Variants in PLEKHG1 observed in about 807,000 individuals in gnomAD.
PLEKHG1 encodes the protein pleckstrin homology domain-containing family G member 1.
PLEKHG1 carries 44 observed loss-of-function variants against 100.8 expected under a neutral mutation model. The ratio of observed to expected loss-of-function variants is 0.44; its 90% CI spans 0.34 to 0.56. The LOEUF (loss-of-function observed/expected upper bound fraction) is 0.56. Among genes scored for constraint, PLEKHG1 ranks in the 20% least tolerant of loss-of-function variants. The pLI, the probability that PLEKHG1 is intolerant of heterozygous loss-of-function variation, is 0.01. For synonymous variants in PLEKHG1, 640 were observed against 662.5 expected (o/e 0.97, Z 0.52); for missense variants, 1,545 against 1,720.9 (o/e 0.90, Z 1.81).
At chr6:150,634,260 A>AAAAAGG (rs1777895386) in intron 1 of PLEKHG1, among the ~76,000 whole-genome samples, 1 of 148,480 alleles carries the variant, frequency 6.7e-6, no homozygotes, top group African/African-American at 2.6e-5. Context: ...CAAAAAAAAA[A>AAAAAGG]AAGAAAAAAA....
intron 3 of PLEKHG1, among the ~76,000 whole-genome samples, chr6:150,699,252 A>C (rs974984238): frequency 6.6e-6 from 1 of 152,222 alleles, no homozygotes; most frequent in African/African-American, 2.4e-5. Context: ...ATTTCAAAAT[A>C]AAAAGTGCAA....
rs1015485377 is a variant in PLEKHG1, at chr6:150,737,297, T to G, written c.411+3205T>G. ...CATATGGGTATTTTTTTTTTTTTTT[T>G]TTTTTGAGACGGAGTCTCGCTTTGT... is the stretch of plus-strand genomic sequence containing the variant. On this transcript the variant is annotated intron_variant, in intron 2 of 15. Transcript: ENST00000358517. Among the ~76,000 whole-genome samples the G allele has an allele frequency of 8.6e-5, 13 of 150,550 alleles. No individual in the cohort carries two copies. In the East Asian group the frequency reaches 2.3e-3, roughly 27 times the overall value.
chr6:150,660,071 A>AT (rs60016202), intron 3 of PLEKHG1, among the ~76,000 whole-genome samples: 1,610 of 143,692 alleles, frequency 0.011, 19 homozygotes, highest in East Asian at 0.03. Flanking sequence ...TTTGTTCATA[A>AT]TTTTTTTTTT....
At chr6:150,775,316 A>G (rs1051197131) in intron 3 of PLEKHG1, among the ~76,000 whole-genome samples, 3 of 152,250 alleles carry the variant, frequency 2.0e-5, no homozygotes, top group Non-Finnish European at 4.4e-5. Context: ...CCTTTCTTTA[A>G]GAATGAAGAG....
intron 2 of PLEKHG1, among the ~76,000 whole-genome samples, chr6:150,752,464 C>A (rs1368503480): frequency 6.6e-6 from 1 of 152,184 alleles, no homozygotes; most frequent in Non-Finnish European, 1.5e-5. Flanking sequence ...CTCCCCAGCT[C>A]CTGGCAACCT....
At chr6:150,708,624 T>A (rs1445700665) in intron 3 of PLEKHG1, among the ~76,000 whole-genome samples, 1 of 152,158 alleles carries the variant, frequency 6.6e-6, no homozygotes, top group Non-Finnish European at 1.5e-5. Context: ...AGTGAATGTG[T>A]TCTAATAATC....
At chr6:150,787,603 T>C (rs1785703401) in intron 4 of PLEKHG1, among the ~76,000 whole-genome samples, 1 of 152,214 alleles carries the variant, frequency 6.6e-6, no homozygotes. Flanking sequence ...CACTGGGAAT[T>C]AGCACACGCG....
exon 16 of PLEKHG1, chr6:150,840,343 T>C (rs981799484): frequency 1.2e-5 from 19 of 1,613,998 alleles, no homozygotes; most frequent in Non-Finnish European, 1.5e-5. Flanking sequence ...CCTAGTGATG[T>C]GGGAAAGCAG....
intron 3 of PLEKHG1, among the ~76,000 whole-genome samples, chr6:150,693,789 A>T (rs1347259334): frequency 1.3e-5 from 2 of 152,206 alleles, no homozygotes; most frequent in Non-Finnish European, 2.9e-5. Context: ...ATCATACATA[A>T]ATCTTTGCAC....
upstream of PLEKHG1, among the ~76,000 whole-genome samples, chr6:150,720,229 C>A (rs1781610413): frequency 6.6e-6 from 1 of 152,092 alleles, no homozygotes. Flanking sequence ...TTAAAGAACT[C>A]AAGATCTTTG....
intron 2 of PLEKHG1, among the ~76,000 whole-genome samples, chr6:150,739,093 C>G (rs1462512475): frequency 3.3e-5 from 5 of 151,916 alleles, no homozygotes; most frequent in African/African-American, 7.3e-5. Flanking sequence ...AAGATTTGGC[C>G]TCAGATATAG....
intron 2 of PLEKHG1, among the ~76,000 whole-genome samples, chr6:150,641,008 T>C (rs1402478504): frequency 6.6e-6 from 1 of 152,190 alleles, no homozygotes; most frequent in Non-Finnish European, 1.5e-5. Flanking sequence ...GAAAAACTTG[T>C]GGCTAGAGAA....
At chr6:150,605,611 T>C (rs1049399499) in intron 1 of PLEKHG1, 1 of 152,182 alleles carries the variant, frequency 6.6e-6, no homozygotes, top group Non-Finnish European at 1.5e-5. Flanking sequence ...GGTAAGGTGG[T>C]GGAGACTCAG....
chr6:150,810,369 G>A (rs2128670256), intron 10 of PLEKHG1, among the ~76,000 whole-genome samples: 1 of 150,924 alleles, frequency 6.6e-6, no homozygotes, highest in African/African-American at 2.4e-5. Context: ...GCAACCTCTT[G>A]TGCCTCAGCC....
chr6:150,690,931 C>T (rs919854815), intron 3 of PLEKHG1, among the ~76,000 whole-genome samples: 4 of 152,184 alleles, frequency 2.6e-5, no homozygotes, highest in African/African-American at 9.7e-5. Context: ...TGTTGCTCTT[C>T]CGCAACCCAG....
Position 150,763,466 on chromosome 6 carries a change from A to G in PLEKHG1, c.412-5172A>G, listed in dbSNP as rs539910267. On this transcript the variant is annotated intron_variant, in intron 2 of 15. Transcript: ENST00000358517. ...GAACAAAATGAGCCAGCCTGAGCAC[A>G]TGGAAATCTACGATCTGGATTAACT... Among the ~76,000 whole-genome samples, 295 of 152,364 alleles carry G rather than the reference A, an allele frequency of 1.9e-3. 1 individual carries two copies. The highest frequency in any genetic ancestry group is 0.013 in the South Asian group (62 of 4,830).
chr6:150,640,710 A>G (rs1028927205), intron 2 of PLEKHG1, among the ~76,000 whole-genome samples: 3 of 151,830 alleles, frequency 2.0e-5, no homozygotes, highest in Non-Finnish European at 2.9e-5. Context: ...AGCCCTTACA[A>G]TTTCCCAAAA....
chr6:150,835,373 A>G (rs1182905740), intron 15 of PLEKHG1, among the ~76,000 whole-genome samples: 1 of 152,018 alleles, frequency 6.6e-6, no homozygotes, highest in Non-Finnish European at 1.5e-5. Context: ...GCACAATTTT[A>G]TGCTTTTGTC....
At chr6:150,752,226 T>C (rs1460882966) in intron 2 of PLEKHG1, among the ~76,000 whole-genome samples, 1 of 152,186 alleles carries the variant, frequency 6.6e-6, no homozygotes, top group African/African-American at 2.4e-5. Context: ...TTGGCTGGCC[T>C]TCATAAAACA....
Sources: gnomAD v4.1 joint callset for allele counts (sites outside exome capture counted in the v4.1 genomes callset) on GRCh38, gnomAD v4.1.1 for gene constraint, MANE v1.5 for transcripts, NCBI Gene and HGNC (gene_info 2026-07-23, HGNC 2026-07-21) for gene names.